GRIK2: variants seen among roughly 807,000 people sequenced by gnomAD.
The protein encoded by GRIK2 is glutamate ionotropic receptor kainate type subunit 2.
In GRIK2, 32 loss-of-function variants were observed where a neutral mutation model predicts 100.3. That is an observed-to-expected ratio of 0.32 (90% CI 0.24 to 0.43). The LOEUF (loss-of-function observed/expected upper bound fraction) is 0.43. Among genes scored for constraint, GRIK2 ranks in the 20% least tolerant of loss-of-function variants. The pLI is 1.00. For synonymous variants in GRIK2, 417 were observed against 389.4 expected (o/e 1.07, Z -0.83); for missense variants, 843 against 1,114.9 (o/e 0.76, Z 3.47).
At chr6:101,662,063 CAG>C (rs770638048) in intron 4 of GRIK2, among the ~76,000 whole-genome samples, 2 of 152,190 alleles carry the variant, frequency 1.3e-5, no homozygotes, top group Non-Finnish European at 2.9e-5. Flanking sequence ...AAGGCCCAGG[CAG>C]TAATGTTCAT....
intron 2 of GRIK2, among the ~76,000 whole-genome samples, chr6:101,494,987 A>T (rs1773354458): frequency 1.4e-5 from 2 of 145,416 alleles, no homozygotes; most frequent in Admixed American, 1.4e-4. Context: ...ATATATATAT[A>T]TATATATATA....
intron 14 of GRIK2, among the ~76,000 whole-genome samples, chr6:102,011,577 C>CTTTTT (rs763369559): frequency 0.015 from 1,135 of 76,640 alleles, 144 homozygotes; most frequent in African/African-American, 0.054. Flanking sequence ...CTTTCTTTTC[C>CTTTTT]TTTTTTTTTT....
chr6:101,398,418 A>G (rs537165456), intron 1 of GRIK2, among the ~76,000 whole-genome samples: 146 of 152,338 alleles, frequency 9.6e-4, no homozygotes, highest in African/African-American at 3.4e-3. Context: ...AAGTTTTTAA[A>G]GAGTGGGTTT....
Position 101,485,915 on chromosome 6 carries a change from C to CTT in GRIK2, c.115+86536_115+86537dup, listed in dbSNP as rs67073947. On this transcript the variant is annotated intron_variant, in intron 2 of 16. Transcript: ENST00000369134. ...TAGCAGGCACAGTTGCACCATTGCG[C>CTT]TTTTTTTTTTTTTTAGTAAAACAGC... is the stretch of plus-strand genomic sequence containing the variant. Among the ~76,000 whole-genome samples the CTT allele has an allele frequency of 2.7e-3, 376 of 141,016 alleles. 1 individual carries two copies. The highest frequency in any genetic ancestry group is 8.8e-3 in the African/African-American group (341 of 38,934). The allele number at this position is 141,016 out of a possible 152,430, so 92.5% of individuals were successfully genotyped here.
chr6:101,676,955 T>C, intron 5 of GRIK2, 151 bp downstream of exon 5: 2 of 547,120 alleles, frequency 3.7e-6, no homozygotes, highest in Non-Finnish European at 6.4e-6. Context: ...TGCTTTTAAT[T>C]AATTGTCTTA....
intron 14 of GRIK2, among the ~76,000 whole-genome samples, chr6:102,031,623 C>T (rs1006327100): frequency 6.6e-6 from 1 of 151,156 alleles, no homozygotes; most frequent in African/African-American, 2.4e-5. Flanking sequence ...CCATCATCTT[C>T]CTCCCTTGGT....
chr6:101,561,485 A>C (rs1582719316), intron 2 of GRIK2, among the ~76,000 whole-genome samples: 1 of 152,290 alleles, frequency 6.6e-6, no homozygotes, highest in East Asian at 1.9e-4. Context: ...GGAAGTTATA[A>C]TTAACAATAA....
intron 4 of GRIK2, among the ~76,000 whole-genome samples, chr6:101,656,568 G>A (rs796114546): frequency 1.7e-4 from 26 of 152,152 alleles, no homozygotes; most frequent in African/African-American, 6.3e-4. Context: ...TCATTGTTAA[G>A]GGCAACAGTA....
intron 7 of GRIK2, among the ~76,000 whole-genome samples, chr6:101,695,771 A>G (rs1046746709): frequency 3.9e-5 from 6 of 152,220 alleles, no homozygotes; most frequent in South Asian, 2.1e-4. Context: ...GCTTAGCCTC[A>G]CCTACCTTAA....
chr6:102,000,134 C>T lies in GRIK2; in HGVS notation c.2086-35207C>T, dbSNP rs368590384. ...TTCTGTTGTTTGCTAGTTCTGTTTTCGGTTATGTTTGTTTTATATCATGTT... is the reference window on the plus strand; with the variant it reads ...TTCTGTTGTTTGCTAGTTCTGTTTTTGGTTATGTTTGTTTTATATCATGTT... On this transcript the variant is annotated intron_variant, in intron 14 of 16. Coordinates refer to ENST00000369134, the MANE Select transcript of GRIK2 (RefSeq NM_021956.5). Among the ~76,000 whole-genome samples the T allele has an allele frequency of 3.5e-4, 53 of 151,634 alleles. 1 individual carries two copies. The highest frequency in any genetic ancestry group is 1.2e-3 in the African/African-American group (48 of 41,354).
intron 2 of GRIK2, among the ~76,000 whole-genome samples, chr6:101,492,463 A>G (rs1362290421): frequency 2.6e-5 from 4 of 151,958 alleles, no homozygotes; most frequent in Non-Finnish European, 5.9e-5. Flanking sequence ...AAAAATGACT[A>G]TGGACTCATT....
At chr6:101,950,207 G>T (rs572697709) in intron 14 of GRIK2, among the ~76,000 whole-genome samples, 2 of 151,686 alleles carry the variant, frequency 1.3e-5, no homozygotes, top group African/African-American at 4.9e-5. Context: ...TTTTGTTGTT[G>T]TTGCTGGTAA....
chr6:101,658,793 T>G (rs1769388530), intron 4 of GRIK2, among the ~76,000 whole-genome samples: 1 of 152,220 alleles, frequency 6.6e-6, no homozygotes, highest in Admixed American at 6.5e-5. Flanking sequence ...TGAGCTTTTT[T>G]TCATATATTT....
rs551819198 is a variant in GRIK2 at position 101,511,353 on chromosome 6, A to C, written c.116-110596A>C. On this transcript the variant is annotated intron_variant, in intron 2 of 16. Coordinates refer to ENST00000369134, the MANE Select transcript of GRIK2 (RefSeq NM_021956.5). Reference sequence around the variant, plus strand: ...GTTCCTTAAGTGAGGCTGTCAGTGAAGATCTTTAAGATGCCTTACAGTTCT... The same window carrying C: ...GTTCCTTAAGTGAGGCTGTCAGTGACGATCTTTAAGATGCCTTACAGTTCT... 4.6e-5 allele frequency among the ~76,000 whole-genome samples: 7 copies of C among 152,286 alleles called. No individual in the cohort carries two copies. In the East Asian group the frequency reaches 1.4e-3, roughly 29 times the overall value.
chr6:101,763,682 C>T (rs1186995389), intron 7 of GRIK2, among the ~76,000 whole-genome samples: 1 of 152,074 alleles, frequency 6.6e-6, no homozygotes, highest in Admixed American at 6.6e-5. Context: ...TGAAAAATAA[C>T]ATATTCCTGT....
chr6:101,675,961 G>A (rs990111638), intron 4 of GRIK2, among the ~76,000 whole-genome samples: 4 of 152,142 alleles, frequency 2.6e-5, no homozygotes, highest in South Asian at 2.1e-4. Flanking sequence ...TGTTACTGAC[G>A]ATGAAAACCA....
intron 8 of GRIK2, among the ~76,000 whole-genome samples, chr6:101,801,911 A>G (rs1583179549): frequency 6.6e-6 from 1 of 151,992 alleles, no homozygotes; most frequent in African/African-American, 2.4e-5. Context: ...CTCTTATTGT[A>G]ATAAGTTCCT....
chr6:101,761,832 T>C lies in GRIK2; in HGVS notation c.952-37816T>C, dbSNP rs891384230. Reference sequence around the variant, plus strand: ...TCCTTCCTTCTTTTCTTTTCTTCCTTTGTTTCCTTTCCTTCCTTCCCTTCC... The same window carrying C: ...TCCTTCCTTCTTTTCTTTTCTTCCTCTGTTTCCTTTCCTTCCTTCCCTTCC... On this transcript the variant is annotated intron_variant, in intron 7 of 16. Transcript: ENST00000369134. Among the ~76,000 whole-genome samples the C allele has an allele frequency of 3.6e-5, 5 of 140,178 alleles. No individual in the cohort carries two copies. In the South Asian group the frequency reaches 1.1e-3, roughly 30 times the overall value. 92.0% of individuals were successfully genotyped at this position (140,178 alleles called of 152,430 possible).
intron 2 of GRIK2, among the ~76,000 whole-genome samples, chr6:101,541,384 A>C (rs1199109164): frequency 6.7e-5 from 1 of 14,938 alleles, no homozygotes. Context: ...AACCACACAC[A>C]CACACACACA....
Sources: gnomAD v4.1 joint callset for allele counts (sites outside exome capture counted in the v4.1 genomes callset) on GRCh38, gnomAD v4.1.1 for gene constraint, MANE v1.5 for transcripts, NCBI Gene and HGNC (gene_info 2026-07-23, HGNC 2026-07-21) for gene names.